CLIC5: variants seen among roughly 807,000 people sequenced by gnomAD.
The protein encoded by CLIC5 is chloride intracellular channel protein 5.
In CLIC5, 20 loss-of-function variants were observed where a neutral mutation model predicts 24.7. The observed-to-expected ratio is 0.81, with a 90% CI of 0.57 to 1.18. The LOEUF is 1.18. Ranked by LOEUF, CLIC5 falls within the 50% of genes most tolerant of loss-of-function variation. The pLI is 0.00. For missense variants in CLIC5, 341 were observed against 326.1 expected (o/e 1.05, Z -0.35); for synonymous variants, 159 against 135.6 (o/e 1.17, Z -1.20).
chr6:45,971,891 C>T (rs549961379), intron 1 of CLIC5, among the ~76,000 whole-genome samples: 111 of 152,288 alleles, frequency 7.3e-4, no homozygotes, highest in African/African-American at 2.5e-3. Context: ...TAATTTTCCC[C>T]TATGTCCTCC....
the CLIC5 span, among the ~76,000 whole-genome samples, chr6:46,109,263 GAA>G: frequency 1.3e-5 from 2 of 151,928 alleles, no homozygotes; most frequent in Non-Finnish European, 2.9e-5. Flanking sequence ...GAAATTTTTG[GAA>G]AGCATCCTGA....
chr6:45,967,270 G>C (rs1366640983), intron 1 of CLIC5, among the ~76,000 whole-genome samples: 2 of 152,252 alleles, frequency 1.3e-5, no homozygotes, highest in African/African-American at 4.8e-5. Context: ...TGGTTCCAGA[G>C]ACTGGGGATG....
the CLIC5 span, among the ~76,000 whole-genome samples, chr6:46,087,464 C>T: frequency 3.5e-4 from 53 of 152,238 alleles, no homozygotes; most frequent in African/African-American, 1.2e-3. Flanking sequence ...CTGCTTCATC[C>T]TCTCCCTGCC....
chr6:46,011,582 C>A (rs904046299), intron 1 of CLIC5, among the ~76,000 whole-genome samples: 94 of 152,310 alleles, frequency 6.2e-4, no homozygotes, highest in African/African-American at 2.3e-3. Context: ...CTGTTGAAAC[C>A]TCAGTTCCTG....
In CLIC5 at chr6:45,918,034, G is replaced by C. The variant is rs148152190; in HGVS notation, c.407-3625C>G. ...ATCCCAGGGACTTGATAGATACCCA[G>C]TGTTTTAACTGCTTTCTTCCCCTCT... On this transcript the variant is annotated intron_variant, in intron 4 of 5. Coordinates refer to ENST00000339561, the MANE Select transcript of CLIC5 (RefSeq NM_016929.5). Among the ~76,000 whole-genome samples, 252 of 152,320 alleles carry C rather than the reference G, an allele frequency of 1.7e-3. 1 individual carries two copies. Among genetic ancestry groups the C allele is most frequent in the Middle Eastern group, 6.8e-3 (2 of 294 alleles).
chr6:46,070,167 C>A (rs148841306), intron 1 of CLIC5, among the ~76,000 whole-genome samples: 1 of 152,164 alleles, frequency 6.6e-6, no homozygotes. Flanking sequence ...CAGCACAAGA[C>A]AAGAAGGCCC....
At chr6:46,022,603 C>T (rs1767215292) in intron 1 of CLIC5, among the ~76,000 whole-genome samples, 1 of 152,156 alleles carries the variant, frequency 6.6e-6, no homozygotes, top group African/African-American at 2.4e-5. Flanking sequence ...TCTTTATAAC[C>T]TAAGGTGTCC....
chr6:45,956,591 C>T (rs561154830), intron 1 of CLIC5, among the ~76,000 whole-genome samples: 1 of 152,028 alleles, frequency 6.6e-6, no homozygotes, highest in Non-Finnish European at 1.5e-5. Context: ...GCAGCGATGC[C>T]TTCTTTCATA....
intron 1 of CLIC5, among the ~76,000 whole-genome samples, chr6:45,966,635 G>A (rs901407402): frequency 1.3e-5 from 2 of 152,058 alleles, no homozygotes; most frequent in South Asian, 2.1e-4. Context: ...CACTTAGGAC[G>A]TTGTTTCTCC....
chr6:46,108,590 G>C, the CLIC5 span, among the ~76,000 whole-genome samples: 3 of 151,914 alleles, frequency 2.0e-5, no homozygotes, highest in Non-Finnish European at 4.4e-5. Context: ...GTAGAGACAG[G>C]GTTTCACCAT....
chr6:46,104,618 A>T, the CLIC5 span, among the ~76,000 whole-genome samples: 1 of 151,564 alleles, frequency 6.6e-6, no homozygotes, highest in Non-Finnish European at 1.5e-5. Context: ...CTGGCAAATT[A>T]TAATACACCC....
chr6:45,904,477 G>A (rs1762594835), intron 5 of CLIC5, among the ~76,000 whole-genome samples: 1 of 151,538 alleles, frequency 6.6e-6, no homozygotes, highest in Non-Finnish European at 1.5e-5. Context: ...ATGCTCTGGG[G>A]TCAATGTGTG....
chr6:46,078,534 CCT>C (rs1762834640), intron 1 of CLIC5, among the ~76,000 whole-genome samples: 1 of 152,156 alleles, frequency 6.6e-6, no homozygotes, highest in Admixed American at 6.6e-5. Context: ...TCCACCCACT[CCT>C]CTGTTTCATC....
intron 1 of CLIC5, among the ~76,000 whole-genome samples, chr6:46,069,430 A>T (rs775685705): frequency 3.3e-5 from 5 of 152,132 alleles, no homozygotes; most frequent in Non-Finnish European, 7.3e-5. Flanking sequence ...TACGATGAAC[A>T]CCCCTATGCA....
intron 1 of CLIC5, among the ~76,000 whole-genome samples, chr6:46,008,739 A>C (rs1318033425): frequency 6.6e-6 from 1 of 152,244 alleles, no homozygotes; most frequent in African/African-American, 2.4e-5. Flanking sequence ...GAAGAAAAGA[A>C]AAATTACAAA....
At chr6:46,066,039 C>T (rs1444574527) in intron 1 of CLIC5, among the ~76,000 whole-genome samples, 1 of 152,048 alleles carries the variant, frequency 6.6e-6, no homozygotes, top group African/African-American at 2.4e-5. Flanking sequence ...CACATATTTG[C>T]TGGAATGCAC....
intron 5 of CLIC5, chr6:45,912,772 G>A (rs1455891638): frequency 1.6e-5 from 23 of 1,395,164 alleles, no homozygotes; most frequent in Non-Finnish European, 2.3e-5. Context: ...ATGATGGGTG[G>A]GGCATGCAGT....
At chr6:45,929,793 C>A (rs370235319) in intron 4 of CLIC5, among the ~76,000 whole-genome samples, 16 of 152,228 alleles carry the variant, frequency 1.1e-4, no homozygotes, top group East Asian at 5.8e-4. Context: ...AGACATGGAG[C>A]CCCACGGCCA....
intron 1 of CLIC5, among the ~76,000 whole-genome samples, chr6:46,054,311 C>G (rs1266820929): frequency 6.6e-6 from 1 of 152,138 alleles, no homozygotes; most frequent in Non-Finnish European, 1.5e-5. Flanking sequence ...AAACCATCTT[C>G]CCAAAGCACA....
Sources: gnomAD v4.1 joint callset for allele counts (sites outside exome capture counted in the v4.1 genomes callset) on GRCh38, gnomAD v4.1.1 for gene constraint, MANE v1.5 for transcripts, NCBI Gene and HGNC (gene_info 2026-07-23, HGNC 2026-07-21) for gene names.